Variants in TMEM178B observed in about 807,000 individuals in gnomAD.
The protein encoded by TMEM178B is transmembrane protein 178B.
Under a neutral mutation model 31.0 loss-of-function variants are expected in TMEM178B, and 5 were observed. The observed-to-expected ratio is 0.16, with a 90% confidence interval of 0.08 to 0.34. TMEM178B has a LOEUF of 0.34. Ranked by LOEUF, TMEM178B falls within the 10% of genes least tolerant of loss-of-function variation. TMEM178B has a pLI of 1.00. For missense variants in TMEM178B, 275 were observed against 400.3 expected, an observed-to-expected ratio of 0.69 and a Z score of 2.67; for synonymous variants, 164 against 164.0, an observed-to-expected ratio of 1.00 and a Z score of 0.00.
chr7:141,464,033 G>A (rs959369011), intron 3 of TMEM178B, among the ~76,000 whole-genome samples: 16 of 152,136 alleles, frequency 1.1e-4, no homozygotes, highest in African/African-American at 3.4e-4. Flanking sequence ...CTGTTACAGC[G>A]GTCTGTGTGA....
chr7:141,351,799 C>A (rs1170635155), intron 2 of TMEM178B, among the ~76,000 whole-genome samples: 1 of 152,172 alleles, frequency 6.6e-6, no homozygotes, highest in Admixed American at 6.5e-5. Context: ...GATCACTGAA[C>A]CAGGTATTTT....
At chr7:141,509,805 C>T in the TMEM178B span, among the ~76,000 whole-genome samples, 1 of 152,228 alleles carries the variant, frequency 6.6e-6, no homozygotes, top group Admixed American at 6.5e-5. Flanking sequence ...CTGAATGTTA[C>T]AGATGCTCGG....
chr7:141,156,886 T>C (rs1796079036), intron 1 of TMEM178B, among the ~76,000 whole-genome samples: 1 of 152,130 alleles, frequency 6.6e-6, no homozygotes, highest in Admixed American at 6.5e-5. Context: ...TTCAGATGCA[T>C]CTGTTGATAA....
intron 2 of TMEM178B, among the ~76,000 whole-genome samples, chr7:141,402,731 C>A (rs575314742): frequency 6.6e-6 from 1 of 152,332 alleles, no homozygotes; most frequent in East Asian, 1.9e-4. Context: ...GTAATTAGCC[C>A]CCACCAACCT....
chr7:141,106,329 A>G (rs1795146016), intron 1 of TMEM178B, among the ~76,000 whole-genome samples: 1 of 152,348 alleles, frequency 6.6e-6, no homozygotes, highest in African/African-American at 2.4e-5. Flanking sequence ...TATTTAGGAA[A>G]TCAATTAAAC....
chr7:141,367,149 G>A (rs1244697323), intron 2 of TMEM178B, among the ~76,000 whole-genome samples: 1 of 152,096 alleles, frequency 6.6e-6, no homozygotes, highest in African/African-American at 2.4e-5. Flanking sequence ...CCAGCCCAGT[G>A]GACCAGCAGA....
intron 2 of TMEM178B, among the ~76,000 whole-genome samples, chr7:141,380,526 G>A (rs28461585): frequency 0.17 from 25,460 of 152,068 alleles, 2,264 homozygotes; most frequent in Middle Eastern, 0.2. Flanking sequence ...AGTAGAATAT[G>A]TTGTTTACTA....
chr7:141,461,180 G>A lies in TMEM178B; in HGVS notation c.635-9356G>A, dbSNP rs1802053134. On this transcript the variant is annotated intron_variant, in intron 3 of 3. Transcript: ENST00000565468. This position sits in a 1 kb window ranked among gnomAD's most constrained non-coding sequence, Gnocchi z 4.0. ...GGTTTTAAAGATTGGAGAGGGAATAGAGGGAGGTGTCTCATGGAGGACTTG... is the reference window on the plus strand; with the variant it reads ...GGTTTTAAAGATTGGAGAGGGAATAAAGGGAGGTGTCTCATGGAGGACTTG... Among the ~76,000 whole-genome samples the A allele has an allele frequency of 6.6e-6, 1 of 152,210 alleles. No homozygotes were observed. The highest frequency in any genetic ancestry group is 2.4e-5 in the African/African-American group (1 of 41,462).
At chr7:141,268,349 C>G (rs1428359982) in intron 2 of TMEM178B, among the ~76,000 whole-genome samples, 2 of 152,066 alleles carry the variant, frequency 1.3e-5, no homozygotes, top group African/African-American at 4.8e-5. Context: ...GAAAAATGCC[C>G]CCAAATAAAT....
At chr7:141,145,221 G>C (rs1161367858) in intron 1 of TMEM178B, among the ~76,000 whole-genome samples, 2 of 152,068 alleles carry the variant, frequency 1.3e-5, no homozygotes, top group African/African-American at 4.8e-5. Flanking sequence ...TGCTGCCCTC[G>C]GTCAGTCCCT....
chr7:141,281,174 A>G (rs2116398940), intron 2 of TMEM178B, among the ~76,000 whole-genome samples: 1 of 152,170 alleles, frequency 6.6e-6, no homozygotes, highest in African/African-American at 2.4e-5. Flanking sequence ...AGTTTATTTT[A>G]AGTCTCAGTT....
intron 2 of TMEM178B, among the ~76,000 whole-genome samples, chr7:141,250,413 G>A (rs534038856): frequency 6.6e-6 from 1 of 152,166 alleles, no homozygotes; most frequent in Non-Finnish European, 1.5e-5. Flanking sequence ...ATTCGAACTG[G>A]GCAGTCTGGC....
At chr7:141,245,654 G>T (rs1216629318) in intron 2 of TMEM178B, among the ~76,000 whole-genome samples, 2 of 152,128 alleles carry the variant, frequency 1.3e-5, no homozygotes, top group African/African-American at 4.8e-5. Context: ...TTGTCCTTAA[G>T]CTCAAATGCA....
chr7:141,297,053 A>T (rs1441156452), intron 2 of TMEM178B: 5 of 152,210 alleles, frequency 3.3e-5, no homozygotes, highest in Non-Finnish European at 5.9e-5. Flanking sequence ...AGATTTACTG[A>T]GTTAAAAGAA....
intron 2 of TMEM178B, among the ~76,000 whole-genome samples, chr7:141,233,483 C>T (rs996010928): frequency 3.3e-5 from 5 of 152,162 alleles, no homozygotes; most frequent in African/African-American, 7.2e-5. Context: ...GATAGTCCAC[C>T]GTAAGCTCTT....
chr7:141,260,178 C>T (rs1253095624), intron 2 of TMEM178B, among the ~76,000 whole-genome samples: 1 of 152,028 alleles, frequency 6.6e-6, no homozygotes, highest in Non-Finnish European at 1.5e-5. Context: ...TATGACAATG[C>T]CCAGGAGATT....
intron 2 of TMEM178B, among the ~76,000 whole-genome samples, chr7:141,253,041 C>T (rs1014436293): frequency 2.0e-5 from 3 of 152,238 alleles, no homozygotes; most frequent in Admixed American, 6.5e-5. Context: ...GCACATGCCC[C>T]GCCCTCTGCC....
At chr7:141,317,278 T>C (rs1254053673) in intron 2 of TMEM178B, among the ~76,000 whole-genome samples, 1 of 152,136 alleles carries the variant, frequency 6.6e-6, no homozygotes, top group East Asian at 1.9e-4. Context: ...TACTTTTTTC[T>C]TAAGGAAGAG....
At chr7:141,265,725 G>A (rs1798085680) in intron 2 of TMEM178B, among the ~76,000 whole-genome samples, 1 of 152,116 alleles carries the variant, frequency 6.6e-6, no homozygotes, top group South Asian at 2.1e-4. Flanking sequence ...TCCACCACCA[G>A]GTACATTTTC....
Sources: gnomAD v4.1 joint callset for allele counts (sites outside exome capture counted in the v4.1 genomes callset) on GRCh38, gnomAD v4.1.1 for gene constraint, Gnocchi (gnomAD v3.1) non-coding constraint, MANE v1.5 for transcripts, NCBI Gene and HGNC (gene_info 2026-07-23, HGNC 2026-07-21) for gene names.